The following DPP6 variants were observed in gnomAD, a reference collection of about 807,000 sequenced individuals.
DPP6 encodes the protein dipeptidyl peptidase like 6, also known as A-type potassium channel modulatory protein DPP6.
DPP6 carries 69 observed loss-of-function variants against 122.6 expected under a neutral mutation model. The observed-to-expected ratio is 0.56, with a 90% CI of 0.46 to 0.69. The LOEUF is 0.69. Among genes scored for constraint, DPP6 ranks in the 30% least tolerant of loss-of-function variants. The pLI is 0.00. For missense variants in DPP6, 928 were observed against 1,116.9 expected (o/e 0.83, Z 2.41); for synonymous variants, 418 against 433.1 (o/e 0.97, Z 0.43).
At chr7:154,717,044 G>A (rs1026183267) in intron 7 of DPP6, among the ~76,000 whole-genome samples, 2 of 152,056 alleles carry the variant, frequency 1.3e-5, no homozygotes, top group African/African-American at 2.4e-5. Flanking sequence ...TGTTGGTCAG[G>A]CTGGTCTTGA....
intron 1 of DPP6, among the ~76,000 whole-genome samples, chr7:154,140,198 C>T (rs76743915): frequency 3.9e-5 from 6 of 152,194 alleles, no homozygotes; most frequent in Non-Finnish European, 7.3e-5. Context: ...CTAACCTACT[C>T]CAACCAGAGA....
chr7:153,981,923 G>A (rs1381215138), intron 1 of DPP6, among the ~76,000 whole-genome samples: 1 of 151,956 alleles, frequency 6.6e-6, no homozygotes, highest in Non-Finnish European at 1.5e-5. Flanking sequence ...CTGTTAGTCT[G>A]ATGGGCTTTC....
intron 1 of DPP6, among the ~76,000 whole-genome samples, chr7:154,415,149 C>T (rs1563630646): frequency 6.6e-6 from 1 of 152,140 alleles, no homozygotes; most frequent in Non-Finnish European, 1.5e-5. Context: ...AGCAACTCAC[C>T]ACACACCTGA....
rs78888922 is a variant in DPP6, at chr7:154,368,510, A to G, written c.244-77704A>G. Among the ~76,000 whole-genome samples the G allele has an allele frequency of 5.9e-3, 900 of 152,278 alleles. 21 individuals are homozygous for G. The highest frequency in any genetic ancestry group is 0.053 in the East Asian group (273 of 5,164). Reference sequence around the variant, plus strand: ...GCGGCTGCAGTGTTTACTCCGGATAATTTTGCCACGAAACATCTCACTTTT... The same window carrying G: ...GCGGCTGCAGTGTTTACTCCGGATAGTTTTGCCACGAAACATCTCACTTTT... On this transcript the variant is annotated intron_variant, in intron 1 of 25. Coordinates refer to ENST00000377770, the MANE Select transcript of DPP6 (RefSeq NM_130797.4).
At chr7:154,114,345 A>T (rs1806822609) in intron 1 of DPP6, among the ~76,000 whole-genome samples, 1 of 152,152 alleles carries the variant, frequency 6.6e-6, no homozygotes, top group African/African-American at 2.4e-5. Flanking sequence ...TGGTTTTGTT[A>T]TCTGCAAAAG....
At chr7:153,980,208 T>C (rs1456388498) in intron 1 of DPP6, among the ~76,000 whole-genome samples, 2 of 152,210 alleles carry the variant, frequency 1.3e-5, no homozygotes, top group African/African-American at 2.4e-5. Context: ...TATTAATTAC[T>C]GTATCAATTT....
chr7:154,409,424 G>A (rs1318002427), intron 1 of DPP6, among the ~76,000 whole-genome samples: 1 of 152,112 alleles, frequency 6.6e-6, no homozygotes, highest in Non-Finnish European at 1.5e-5. Context: ...ACTGTGAGGA[G>A]GTAAATTACT....
intron 1 of DPP6, among the ~76,000 whole-genome samples, chr7:154,005,554 A>G (rs963183162): frequency 2.0e-5 from 3 of 151,884 alleles, no homozygotes; most frequent in Non-Finnish European, 2.9e-5. Context: ...GCTGGAAGAA[A>G]GTAGGCAGGC....
At chr7:154,158,622 T>C (rs551217768) in intron 1 of DPP6, among the ~76,000 whole-genome samples, 1 of 152,136 alleles carries the variant, frequency 6.6e-6, no homozygotes, top group Non-Finnish European at 1.5e-5. Context: ...TCTCTGTCTT[T>C]ATGAAACAAC....
intron 1 of DPP6, among the ~76,000 whole-genome samples, chr7:154,007,275 T>A (rs1456938980): frequency 6.6e-6 from 1 of 152,258 alleles, no homozygotes; most frequent in Non-Finnish European, 1.5e-5. Flanking sequence ...TCAACGTCTG[T>A]GAGTATAGAC....
chr7:154,258,665 T>G (rs1802813372), intron 1 of DPP6, among the ~76,000 whole-genome samples: 1 of 152,218 alleles, frequency 6.6e-6, no homozygotes, highest in Non-Finnish European at 1.5e-5. Context: ...CTGGGAGTGC[T>G]GGCTCCCTCA....
intron 1 of DPP6, among the ~76,000 whole-genome samples, chr7:154,245,772 T>C (rs1409440973): frequency 3.3e-5 from 5 of 152,190 alleles, no homozygotes; most frequent in Non-Finnish European, 4.4e-5. Context: ...TAAACATCTA[T>C]GTATATAGTA....
chr7:153,888,657 CTG>C (rs1799052201), intron 1 of DPP6, among the ~76,000 whole-genome samples: 2 of 148,492 alleles, frequency 1.3e-5, no homozygotes, highest in Admixed American at 1.3e-4. Flanking sequence ...AGGTCATGGT[CTG>C]AGAAGAATCC....
intron 1 of DPP6, among the ~76,000 whole-genome samples, chr7:153,932,998 C>G (rs151254051): frequency 6.6e-6 from 1 of 152,118 alleles, no homozygotes; most frequent in Non-Finnish European, 1.5e-5. Context: ...AAGGGGAGTT[C>G]CCCTGCACAC....
chr7:154,426,822 A>C (rs1321404426), intron 1 of DPP6, among the ~76,000 whole-genome samples: 6 of 148,790 alleles, frequency 4.0e-5, no homozygotes, highest in African/African-American at 5.1e-5. Context: ...AAAAAAAAAA[A>C]AAAAAAAAAC....
intron 1 of DPP6, among the ~76,000 whole-genome samples, chr7:153,909,599 A>G (rs1799992773): frequency 2.0e-5 from 3 of 152,054 alleles, no homozygotes; most frequent in Non-Finnish European, 2.9e-5. Context: ...TTACCACTGC[A>G]TGGAAGAATT....
At chr7:153,826,252 A>G in the DPP6 span, among the ~76,000 whole-genome samples, 1 of 152,226 alleles carries the variant, frequency 6.6e-6, no homozygotes, top group Non-Finnish European at 1.5e-5. Flanking sequence ...AAAAACAGAT[A>G]AAAGTCAGCT....
At chr7:154,175,130 C>A (rs1396098310) in intron 1 of DPP6, among the ~76,000 whole-genome samples, 3 of 151,796 alleles carry the variant, frequency 2.0e-5, no homozygotes, top group Non-Finnish European at 4.4e-5. Flanking sequence ...TTGAATTATT[C>A]TTTATACTTA....
chr7:154,119,070 C>G (rs1807224386), intron 1 of DPP6, among the ~76,000 whole-genome samples: 2 of 152,198 alleles, frequency 1.3e-5, no homozygotes, highest in Admixed American at 6.5e-5. Flanking sequence ...AGATGAGATG[C>G]AAACTCAGAA....
Sources: gnomAD v4.1 joint callset for allele counts (sites outside exome capture counted in the v4.1 genomes callset) on GRCh38, gnomAD v4.1.1 for gene constraint, MANE v1.5 for transcripts, NCBI Gene and HGNC (gene_info 2026-07-23, HGNC 2026-07-21) for gene names.